Variants in EFNA5 observed in about 807,000 individuals in gnomAD.
EFNA5 encodes the protein ephrin A5.
Under a neutral mutation model 22.9 loss-of-function variants are expected in EFNA5, and 5 were observed. The observed-to-expected ratio is 0.22, with a 90% CI of 0.11 to 0.46. The LOEUF (loss-of-function observed/expected upper bound fraction) is 0.46, where lower values mean the gene tolerates loss of function less well. Among genes scored for constraint, EFNA5 ranks in the 20% least tolerant of loss-of-function variants. The pLI is 0.99. For missense variants in EFNA5, 237 were observed against 293.3 expected (o/e 0.81, Z 1.40); for synonymous variants, 113 against 112.2 (o/e 1.01, Z -0.04).
At chr5:107,445,970 G>A (rs369335822) in intron 1 of EFNA5, among the ~76,000 whole-genome samples, 8 of 152,206 alleles carry the variant, frequency 5.3e-5, no homozygotes, top group African/African-American at 1.9e-4. Flanking sequence ...TATTTTATTG[G>A]TTGTGGCAGA....
chr5:107,390,919 G>A (rs1747778801), intron 2 of EFNA5, among the ~76,000 whole-genome samples: 1 of 152,140 alleles, frequency 6.6e-6, no homozygotes, highest in South Asian at 2.1e-4. Context: ...AACACTGTGG[G>A]AGGCCAAGCC....
intron 1 of EFNA5, among the ~76,000 whole-genome samples, chr5:107,587,955 C>A (rs1392088632): frequency 1.3e-5 from 2 of 152,150 alleles, no homozygotes; most frequent in African/African-American, 4.8e-5. Context: ...CAACTACAGG[C>A]TCTATGGTGC....
At chr5:107,480,719 A>C (rs897513577) in intron 1 of EFNA5, among the ~76,000 whole-genome samples, 1 of 152,192 alleles carries the variant, frequency 6.6e-6, no homozygotes, top group Admixed American at 6.5e-5. Flanking sequence ...CACAGAAGCC[A>C]GGGAAAACAG....
At chr5:107,505,397 C>T (rs1317817555) in intron 1 of EFNA5, among the ~76,000 whole-genome samples, 2 of 152,186 alleles carry the variant, frequency 1.3e-5, no homozygotes, top group Non-Finnish European at 2.9e-5. Context: ...ACTGATTCTC[C>T]ATGCAACAAA....
chr5:107,542,559 G>T (rs575018872), intron 1 of EFNA5, among the ~76,000 whole-genome samples: 13 of 152,006 alleles, frequency 8.6e-5, no homozygotes, highest in Non-Finnish European at 1.5e-4. Flanking sequence ...GTATAAGGGG[G>T]GGGTGCGGGG....
chr5:107,479,467 A>G (rs1263805985), intron 1 of EFNA5, among the ~76,000 whole-genome samples: 1 of 152,052 alleles, frequency 6.6e-6, no homozygotes, highest in Non-Finnish European at 1.5e-5. Context: ...TTTAAAAAAA[A>G]AAAACAACCT....
At chr5:107,482,826 GTCTCTGTCTCTCTCTCTC>G (rs1561406285) in intron 1 of EFNA5, among the ~76,000 whole-genome samples, 9 of 65,010 alleles carry the variant, frequency 1.4e-4, no homozygotes, top group Non-Finnish European at 1.8e-4. Flanking sequence ...CTCTCTCTCT[GTCTCTGTCTCTCTCTCTC>G]TCTCTCTCTC....
chr5:107,527,641 G>C (rs1276727594), intron 1 of EFNA5, among the ~76,000 whole-genome samples: 1 of 152,162 alleles, frequency 6.6e-6, no homozygotes, highest in African/African-American at 2.4e-5. Flanking sequence ...AATGGGATAA[G>C]AGAAAATAAT....
intron 1 of EFNA5, among the ~76,000 whole-genome samples, chr5:107,522,162 T>C (rs559793372): frequency 1.2e-3 from 185 of 152,326 alleles, no homozygotes; most frequent in African/African-American, 4.4e-3. Flanking sequence ...AGTACTCTAG[T>C]GCAGTAACTT....
At chr5:107,422,900 G>C (rs1377440099) in intron 2 of EFNA5, among the ~76,000 whole-genome samples, 1 of 152,164 alleles carries the variant, frequency 6.6e-6, no homozygotes, top group Non-Finnish European at 1.5e-5. Flanking sequence ...GAGCAGCTGG[G>C]AGAGAACTAG....
chr5:107,590,147 A>T (rs147681748), intron 1 of EFNA5, among the ~76,000 whole-genome samples: 3 of 152,294 alleles, frequency 2.0e-5, no homozygotes, highest in African/African-American at 4.8e-5. Flanking sequence ...GCCATCTACC[A>T]AAGCAGGTAA....
chr5:107,430,846 G>A (rs936781974), intron 1 of EFNA5, among the ~76,000 whole-genome samples: 5 of 138,400 alleles, frequency 3.6e-5, no homozygotes, highest in East Asian at 4.2e-4. Flanking sequence ...GTGTGATCTC[G>A]GCTCACTGCA....
At chr5:107,670,385 G>T in intron 1 of EFNA5, 104 bp downstream of exon 1, 1 of 1,382,814 alleles carries the variant, frequency 7.2e-7, no homozygotes. Context: ...AGGCTCCGAG[G>T]GTGCGCGCCG....
intron 1 of EFNA5, among the ~76,000 whole-genome samples, chr5:107,577,894 G>A (rs1337027741): frequency 6.6e-6 from 1 of 152,116 alleles, no homozygotes; most frequent in Non-Finnish European, 1.5e-5. Flanking sequence ...GAGCGCGGGG[G>A]TTCAGACATT....
chr5:107,523,126 C>G (rs1424889577), intron 1 of EFNA5, among the ~76,000 whole-genome samples: 1 of 152,140 alleles, frequency 6.6e-6, no homozygotes, highest in African/African-American at 2.4e-5. Flanking sequence ...TATGGCCAAT[C>G]TTCACACAGA....
intron 1 of EFNA5, among the ~76,000 whole-genome samples, chr5:107,614,468 A>G (rs2112523248): frequency 1.3e-5 from 2 of 152,300 alleles, no homozygotes; most frequent in South Asian, 4.1e-4. Flanking sequence ...TTAAAAAATA[A>G]GTTAGTCATA....
chr5:107,582,753 A>T (rs1749098102), intron 1 of EFNA5, among the ~76,000 whole-genome samples: 2 of 151,824 alleles, frequency 1.3e-5, no homozygotes, highest in Non-Finnish European at 2.9e-5. Context: ...GTACAAAAAA[A>T]AAAAAGTAAA....
chr5:107,624,955 T>A (rs1417945753), intron 1 of EFNA5, among the ~76,000 whole-genome samples: 1 of 152,158 alleles, frequency 6.6e-6, no homozygotes, highest in Admixed American at 6.5e-5. Context: ...ATAGCTTCAG[T>A]AATTTGTACT....
intron 2 of EFNA5, among the ~76,000 whole-genome samples, chr5:107,408,060 T>A (rs1322775020): frequency 6.6e-6 from 1 of 152,146 alleles, no homozygotes; most frequent in Non-Finnish European, 1.5e-5. Flanking sequence ...GAACTGTTAT[T>A]TCTCCTAATG....
Sources: allele counts gnomAD v4.1 joint callset (sites outside exome capture counted in the v4.1 genomes callset), GRCh38; gene constraint gnomAD v4.1.1; transcripts MANE v1.5; gene names NCBI Gene and HGNC (gene_info 2026-07-23, HGNC 2026-07-21).